Variants in ZNF804A observed in about 807,000 individuals in gnomAD.
ZNF804A encodes the protein zinc finger protein 804A.
ZNF804A carries 2 observed loss-of-function variants against 16.5 expected under a neutral mutation model. The ratio of observed to expected loss-of-function variants is 0.12; its 90% CI spans 0.05 to 0.38. The LOEUF is 0.38. ZNF804A is among the 10% of genes least tolerant of loss of function. The probability of loss-of-function intolerance (pLI) is 0.99; values close to 1 mark genes in which losing one functional copy is unlikely to be tolerated. For missense variants in ZNF804A, 1,473 were observed against 1,390.7 expected, an observed-to-expected ratio of 1.06 and a Z score of -0.94; for synonymous variants, 534 against 489.6, an observed-to-expected ratio of 1.09 and a Z score of -1.20.
At chr2:184,681,832 A>G (rs1574160284) in intron 1 of ZNF804A, among the ~76,000 whole-genome samples, 1 of 152,222 alleles carries the variant, frequency 6.6e-6, no homozygotes, top group Non-Finnish European at 1.5e-5. Context: ...CTCTGGACCC[A>G]GGCATCCCTG....
intron 1 of ZNF804A, among the ~76,000 whole-genome samples, chr2:184,610,311 G>C (rs1476154622): frequency 6.6e-6 from 1 of 152,088 alleles, no homozygotes; most frequent in Non-Finnish European, 1.5e-5. Flanking sequence ...TTCTTTTATA[G>C]CAACAGAGAA....
At chr2:184,650,702 A>G (rs1691968273) in intron 1 of ZNF804A, among the ~76,000 whole-genome samples, 1 of 152,098 alleles carries the variant, frequency 6.6e-6, no homozygotes, top group Admixed American at 6.6e-5. Flanking sequence ...CTGAAACAAA[A>G]CAAAACAAAG....
intron 2 of ZNF804A, among the ~76,000 whole-genome samples, chr2:184,897,530 T>A (rs1685107392): frequency 6.6e-6 from 1 of 152,186 alleles, no homozygotes; most frequent in Admixed American, 6.5e-5. Context: ...GTGTAGCTCA[T>A]ACTTAATAAG....
intron 2 of ZNF804A, among the ~76,000 whole-genome samples, chr2:184,898,181 A>G (rs556225051): frequency 6.6e-6 from 1 of 152,260 alleles, no homozygotes; most frequent in South Asian, 2.1e-4. Flanking sequence ...TAATGTATAT[A>G]CAGATAATAA....
Position 184,936,589 on chromosome 2 carries a change from C to T in ZNF804A, c.1193C>T (p.Thr398Ile), listed in dbSNP as rs774861402. Residue 398 changes from threonine (T) to isoleucine (I), a missense_variant, in exon 4 of 4, where the codon ACA (threonine) becomes ATA (isoleucine). Coordinates refer to ENST00000302277, the MANE Select transcript of ZNF804A (RefSeq NM_194250.2). ...GTTGAAAATAAAAATGGTCCCGAGA[C>T]ATTGGCCCCTTCAAATACTGAAGAG... ...TEVENKNGPE[T>I]LAPSNTEEVN... 3 of 1,614,010 alleles carry T rather than the reference C, an allele frequency of 1.9e-6. No individual in the cohort carries two copies. The highest frequency in any genetic ancestry group is 2.5e-6 in the Non-Finnish European group (3 of 1,179,932).
At chr2:184,695,465 T>TTAAAAAAAAAAAAA (rs1188268647) in intron 1 of ZNF804A, among the ~76,000 whole-genome samples, 1 of 51,854 alleles carries the variant, frequency 1.9e-5, no homozygotes, top group African/African-American at 9.4e-5. Context: ...ACTCCGTCAT[T>TTAAAAAAAAAAAAA]AAAAAAAAAA....
chr2:184,655,223 C>T (rs1692054832), intron 1 of ZNF804A, among the ~76,000 whole-genome samples: 1 of 152,170 alleles, frequency 6.6e-6, no homozygotes, highest in African/African-American at 2.4e-5. Flanking sequence ...AGATATCACT[C>T]CCCTTTCACA....
chr2:184,862,512 A>G (rs181605369), intron 1 of ZNF804A, among the ~76,000 whole-genome samples: 1 of 152,206 alleles, frequency 6.6e-6, no homozygotes, highest in Non-Finnish European at 1.5e-5. Flanking sequence ...AACTTCAGCC[A>G]TGCTATGTTT....
At chr2:184,804,688 G>A (rs1174035412) in intron 1 of ZNF804A, among the ~76,000 whole-genome samples, 2 of 152,094 alleles carry the variant, frequency 1.3e-5, no homozygotes, top group Non-Finnish European at 2.9e-5. Flanking sequence ...ATGTGTGGTA[G>A]GAAATTTACA....
At chr2:184,828,531 A>G (rs1368001614) in intron 1 of ZNF804A, among the ~76,000 whole-genome samples, 1 of 151,572 alleles carries the variant, frequency 6.6e-6, no homozygotes, top group Non-Finnish European at 1.5e-5. Flanking sequence ...TTAAAAAAAA[A>G]GATTATATAC....
At chr2:184,930,655 GTTAT>G (rs1430519251) in intron 2 of ZNF804A, among the ~76,000 whole-genome samples, 1 of 152,130 alleles carries the variant, frequency 6.6e-6, no homozygotes, top group Non-Finnish European at 1.5e-5. Flanking sequence ...GGAGCCTACT[GTTAT>G]TTATTCATAG....
At chr2:184,842,848 C>T (rs1359854224) in intron 1 of ZNF804A, among the ~76,000 whole-genome samples, 8 of 152,038 alleles carry the variant, frequency 5.3e-5, no homozygotes, top group African/African-American at 1.2e-4. Flanking sequence ...CCAGGATCAT[C>T]GACAAACTGT....
chr2:184,908,373 C>T (rs1034665391), intron 2 of ZNF804A, among the ~76,000 whole-genome samples: 3 of 152,092 alleles, frequency 2.0e-5, no homozygotes, highest in African/African-American at 7.2e-5. Context: ...CTCAGACTCA[C>T]TCGTTGATTA....
At chr2:184,763,630 C>CTTTTTTTTTTTTTTTTTT (rs1188087789) in intron 1 of ZNF804A, among the ~76,000 whole-genome samples, 1 of 21,256 alleles carries the variant, frequency 4.7e-5, no homozygotes. Context: ...CTTCAAAGTG[C>CTTTTTTTTTTTTTTTTTT]TTTTTTTTTT....
At chr2:184,614,769 C>A (rs1385023476) in intron 1 of ZNF804A, among the ~76,000 whole-genome samples, 11 of 151,934 alleles carry the variant, frequency 7.2e-5, no homozygotes, top group African/African-American at 1.9e-4. Context: ...TTTATGTGAC[C>A]AACAAACATG....
At chr2:184,848,599 TC>T (rs1366940454) in intron 1 of ZNF804A, among the ~76,000 whole-genome samples, 1 of 151,986 alleles carries the variant, frequency 6.6e-6, no homozygotes, top group African/African-American at 2.4e-5. Context: ...ATAAGAACAT[TC>T]TAGGAAGAAT....
Position 184,732,890 on chromosome 2 carries a change from G to T in ZNF804A, c.112-133479G>T, listed in dbSNP as rs557008370. Reference sequence around the variant, plus strand: ...TATTAACCCTGTGTTTTGCAACCTTGCTGTAATTGCCTATTAGTCCCAGGT... The same window carrying T: ...TATTAACCCTGTGTTTTGCAACCTTTCTGTAATTGCCTATTAGTCCCAGGT... On this transcript the variant is annotated intron_variant, in intron 1 of 3. Coordinates refer to ENST00000302277, the MANE Select transcript of ZNF804A (RefSeq NM_194250.2). Among the ~76,000 whole-genome samples the T allele has an allele frequency of 2.3e-3, 348 of 152,154 alleles. 1 individual carries two copies. Among genetic ancestry groups the T allele is most frequent in the Non-Finnish European group, 3.8e-3 (258 of 67,958 alleles).
intron 2 of ZNF804A, among the ~76,000 whole-genome samples, chr2:184,928,540 C>A (rs1685644321): frequency 6.6e-6 from 1 of 152,124 alleles, no homozygotes; most frequent in Non-Finnish European, 1.5e-5. Flanking sequence ...TGTGCCCCTC[C>A]AGACCACTGG....
chr2:184,686,137 C>G (rs1692626384), intron 1 of ZNF804A, among the ~76,000 whole-genome samples: 1 of 152,218 alleles, frequency 6.6e-6, no homozygotes, highest in African/African-American at 2.4e-5. Context: ...ACAGGCACTT[C>G]TGAGCTTGCG....
Sources: allele counts gnomAD v4.1 joint callset (sites outside exome capture counted in the v4.1 genomes callset), GRCh38; gene constraint gnomAD v4.1.1; transcripts MANE v1.5; gene names NCBI Gene and HGNC (gene_info 2026-07-23, HGNC 2026-07-21).